Variants in SULF1 observed in about 807,000 individuals in gnomAD.
The protein encoded by SULF1 is extracellular sulfatase Sulf-1.
Under a neutral mutation model 110.5 loss-of-function variants are expected in SULF1, and 46 were observed. The ratio of observed to expected loss-of-function variants is 0.42; its 90% CI spans 0.33 to 0.53. The LOEUF (loss-of-function observed/expected upper bound fraction) is 0.53, where lower values mean the gene tolerates loss of function less well. Among genes scored for constraint, SULF1 ranks in the 20% least tolerant of loss-of-function variants. SULF1 has a pLI of 0.12. For missense variants in SULF1, 941 were observed against 1,094.2 expected, an observed-to-expected ratio of 0.86 and a Z score of 1.98; for synonymous variants, 371 against 387.1, an observed-to-expected ratio of 0.96 and a Z score of 0.49.
rs574585151 is a variant in SULF1, at chr8:69,658,972, G to A, written c.*437G>A. On this transcript the variant is annotated 3_prime_UTR_variant, in exon 23 of 23. Transcript: ENST00000402687. ...GAATTCTGAACACTGGAGAAAAACCGAAAAATGGACGGGGCATGAAGAGAC... is the reference window on the plus strand; with the variant it reads ...GAATTCTGAACACTGGAGAAAAACCAAAAAATGGACGGGGCATGAAGAGAC... 1.3e-5 allele frequency: 6 copies of A among 458,210 alleles called. No individual in the cohort carries two copies. Among genetic ancestry groups the A allele is most frequent in the South Asian group, 3.1e-5 (2 of 64,574 alleles). The allele number at this position is 458,210 out of a possible 1,614,324, so 28.4% of individuals were successfully genotyped here.
At chr8:69,601,961 C>T (rs575041016) in intron 10 of SULF1, 132 bp downstream of exon 10, 19 of 910,442 alleles carry the variant, frequency 2.1e-5, no homozygotes, top group South Asian at 1.1e-4. Flanking sequence ...TGGTTAATTT[C>T]GAAGATGAAA....
At chr8:69,630,979 C>T (rs1308549961) in intron 19 of SULF1, among the ~76,000 whole-genome samples, 4 of 151,838 alleles carry the variant, frequency 2.6e-5, no homozygotes, top group East Asian at 1.9e-4. Context: ...TGCCCCCACC[C>T]TGCAACAGTC....
chr8:69,608,946 CATGTGCATACTGAGGGGCAA>C (rs1044981773), intron 13 of SULF1, among the ~76,000 whole-genome samples: 2 of 152,174 alleles, frequency 1.3e-5, no homozygotes, highest in African/African-American at 4.8e-5. Flanking sequence ...CACACATGCA[CATGTGCATACTGAGGGGCAA>C]ATCTCGACCT....
chr8:69,623,568 T>C (rs978369622), intron 14 of SULF1, among the ~76,000 whole-genome samples: 1 of 152,236 alleles, frequency 6.6e-6, no homozygotes, highest in African/African-American at 2.4e-5. Context: ...AATATGGTTT[T>C]ATCCAAAAAA....
chr8:69,522,680 C>G (rs1177270685), intron 3 of SULF1, among the ~76,000 whole-genome samples: 1 of 152,052 alleles, frequency 6.6e-6, no homozygotes, highest in Non-Finnish European at 1.5e-5. Flanking sequence ...GAGAAGAGCT[C>G]CAGTAAAGTA....
In SULF1 at chr8:69,621,158, G is replaced by A; in HGVS notation, c.1501G>A (p.Asp501Asn). Reference sequence around the variant, plus strand: ...CTACGCTCGCGGCTTCCATGACAAAGACAAAGAGTGCAGTTGTAGGGAGTC... The same window carrying A: ...CTACGCTCGCGGCTTCCATGACAAAAACAAAGAGTGCAGTTGTAGGGAGTC... ...NLYARGFHDKDKECSCRESGY... is the reference protein window; with the variant it reads ...NLYARGFHDKNKECSCRESGY... Residue 501 changes from aspartate to asparagine, a missense_variant, in exon 14 of 23, where the codon GAC becomes AAC. Physicochemically the swap from Asp to Asn is conservative, Grantham distance 23. Around this residue, in one of 3 missense-constraint regions of SULF1, gnomAD observed 822 missense variants for 934.3 expected, o/e 0.88. Coordinates refer to ENST00000402687, the MANE Select transcript of SULF1 (RefSeq NM_001128205.2). 6.2e-7 allele frequency: 1 copy of A among 1,614,154 alleles called. No individual in the cohort carries two copies. Among genetic ancestry groups the A allele is most frequent in the Non-Finnish European group, 8.5e-7 (1 of 1,180,026 alleles).
chr8:69,639,639 C>T (rs190289721), intron 21 of SULF1, among the ~76,000 whole-genome samples: 11 of 152,276 alleles, frequency 7.2e-5, no homozygotes, highest in African/African-American at 2.6e-4. Context: ...CATGGCATGC[C>T]AACTCCAGAA....
upstream of SULF1, among the ~76,000 whole-genome samples, chr8:69,488,329 G>A (rs887861310): frequency 5.3e-4 from 80 of 152,230 alleles, no homozygotes; most frequent in Admixed American, 5.2e-3. Flanking sequence ...AATGACAAGA[G>A]TAGAAGTGTC....
At chr8:69,622,539 C>G (rs1225769810) in intron 14 of SULF1, among the ~76,000 whole-genome samples, 1 of 151,468 alleles carries the variant, frequency 6.6e-6, no homozygotes. Context: ...GAGCCGAGAT[C>G]GCACCACTGC....
intron 6 of SULF1, among the ~76,000 whole-genome samples, chr8:69,577,677 T>G (rs1805718807): frequency 6.6e-6 from 1 of 152,112 alleles, no homozygotes; most frequent in Admixed American, 6.5e-5. Context: ...AGGGCTAAAT[T>G]AGGAAGGGCA....
chr8:69,468,810 A>G (rs780855526), intron 1 of SULF1, among the ~76,000 whole-genome samples: 17 of 152,320 alleles, frequency 1.1e-4, no homozygotes, highest in Middle Eastern at 3.4e-3. Flanking sequence ...GTGCCTCCTC[A>G]CAGATCGGAT....
At chr8:69,515,100 C>A (rs1162942984) in intron 3 of SULF1, among the ~76,000 whole-genome samples, 1 of 152,196 alleles carries the variant, frequency 6.6e-6, no homozygotes, top group Non-Finnish European at 1.5e-5. Context: ...CTAGGCAATG[C>A]CCCTGTGGGA....
upstream of SULF1, among the ~76,000 whole-genome samples, chr8:69,489,186 C>T (rs1053189284): frequency 2.0e-5 from 3 of 152,196 alleles, no homozygotes; most frequent in Admixed American, 6.5e-5. Context: ...TTATATGAGA[C>T]TCATGTTCCC....
intron 3 of SULF1, among the ~76,000 whole-genome samples, chr8:69,554,996 A>C (rs6994425): frequency 1.2e-5 from 1 of 84,898 alleles, no homozygotes; most frequent in Non-Finnish European, 2.2e-5. Context: ...AAAAAAAAAA[A>C]AACAAAAAAA....
At chr8:69,517,580 G>A (rs79592350) in intron 3 of SULF1, among the ~76,000 whole-genome samples, 4,931 of 152,128 alleles carry the variant, frequency 0.032, 261 homozygotes, top group African/African-American at 0.11. Flanking sequence ...TAAATGGGTG[G>A]GGGCAAAATG....
intron 3 of SULF1, among the ~76,000 whole-genome samples, chr8:69,502,711 G>C (rs1431551983): frequency 1.5e-5 from 2 of 129,138 alleles, no homozygotes; most frequent in Admixed American, 8.5e-5. Context: ...TTTTTGAGAG[G>C]AAGTCTTGCT....
In SULF1 at chr8:69,561,721, A is replaced by C. The variant is rs963930970; in HGVS notation, c.-133-1818A>C. 2.6e-5 allele frequency among the ~76,000 whole-genome samples: 4 copies of C among 152,220 alleles called. 1 individual carries two copies. Among genetic ancestry groups the C allele is most frequent in the Admixed American group, 2.6e-4 (4 of 15,276 alleles). Reference sequence around the variant, plus strand: ...AAACTCTCCCTTCACACACCTCTGCAGGCCTTGAGAGGTGAGCAAAGTTTT... The same window carrying C: ...AAACTCTCCCTTCACACACCTCTGCCGGCCTTGAGAGGTGAGCAAAGTTTT... On this transcript the variant is annotated intron_variant, in intron 3 of 22. Coordinates refer to ENST00000402687, the MANE Select transcript of SULF1 (RefSeq NM_001128205.2).
chr8:69,495,257 T>C (rs1324691684), intron 1 of SULF1, among the ~76,000 whole-genome samples: 1 of 152,098 alleles, frequency 6.6e-6, no homozygotes, highest in Admixed American at 6.5e-5. Flanking sequence ...GTGGCATGTG[T>C]CTGTAGTCCC....
chr8:69,507,545 T>A (rs1811278413), intron 3 of SULF1, among the ~76,000 whole-genome samples: 1 of 152,206 alleles, frequency 6.6e-6, no homozygotes, highest in Admixed American at 6.5e-5. Context: ...CCTGGAATAA[T>A]TAGGTGGTGG....
Sources: gnomAD v4.1 joint callset for allele counts (sites outside exome capture counted in the v4.1 genomes callset) on GRCh38, gnomAD v4.1.1 for gene constraint, gnomAD v4.1.1 regional missense constraint, MANE v1.5 for transcripts, NCBI Gene and HGNC (gene_info 2026-07-23, HGNC 2026-07-21) for gene names.